Variants in ADGB observed in about 807,000 individuals in gnomAD.
ADGB encodes androglobin.
In ADGB, 172 loss-of-function variants were observed where a neutral mutation model predicts 210.5. The ratio of observed to expected loss-of-function variants is 0.82; its 90% CI spans 0.72 to 0.93. ADGB has a LOEUF of 0.93. ADGB is among the 40% of genes least tolerant of loss of function. The probability of loss-of-function intolerance (pLI) is 0.00; values close to 1 mark genes in which losing one functional copy is unlikely to be tolerated. For missense variants in ADGB, 2,025 were observed against 1,964.8 expected (o/e 1.03, Z -0.58); for synonymous variants, 658 against 662.7 (o/e 0.99, Z 0.11).
At chr6:146,674,784 G>A (rs533375637) in intron 8 of ADGB, among the ~76,000 whole-genome samples, 2 of 152,226 alleles carry the variant, frequency 1.3e-5, no homozygotes, top group South Asian at 2.1e-4. Context: ...AAATGACAGA[G>A]GAGCAATCCT....
At chr6:146,787,410 C>G (rs1161458431) in intron 32 of ADGB, among the ~76,000 whole-genome samples, 1 of 152,072 alleles carries the variant, frequency 6.6e-6, no homozygotes, top group Non-Finnish European at 1.5e-5. Flanking sequence ...ATATGTACCC[C>G]GTATGTCTCA....
intron 7 of ADGB, among the ~76,000 whole-genome samples, chr6:146,669,524 C>T (rs1344885223): frequency 6.6e-6 from 1 of 152,094 alleles, no homozygotes; most frequent in Non-Finnish European, 1.5e-5. Context: ...CCTCTCCTGC[C>T]TCATTTACTT....
At chr6:146,641,544 T>C (rs150841701) in intron 2 of ADGB, among the ~76,000 whole-genome samples, 21 of 151,434 alleles carry the variant, frequency 1.4e-4, no homozygotes, top group Non-Finnish European at 1.6e-4. Flanking sequence ...ATGGTACTGA[T>C]ATGAAAACAG....
At chr6:146,761,306 T>C (rs1172925989) in intron 27 of ADGB, among the ~76,000 whole-genome samples, 1 of 151,990 alleles carries the variant, frequency 6.6e-6, no homozygotes, top group African/African-American at 2.4e-5. Flanking sequence ...TTTATTCCCA[T>C]GTAGATATAC....
chr6:146,737,037 GA>G (rs1438887123), intron 23 of ADGB, among the ~76,000 whole-genome samples: 1 of 150,202 alleles, frequency 6.7e-6, no homozygotes, highest in Non-Finnish European at 1.5e-5. Context: ...GAAAAAAACA[GA>G]AAAAAATTAC....
In ADGB at chr6:146,752,452, T is replaced by C; in HGVS notation, c.3366-78T>C. ...GACAGCAGATTTGGGCAGGGACATA[T>C]ATCCAAACTATCTCACTTACTGACT... is the stretch of plus-strand genomic sequence containing the variant. On this transcript the variant is annotated intron_variant, in intron 26 of 35. Transcript: ENST00000397944. The C allele has an allele frequency of 3.0e-6, 4 of 1,314,478 alleles. No individual in the cohort carries two copies. In the South Asian group the frequency reaches 6.3e-5, roughly 21 times the overall value. The allele number at this position is 1,314,478 out of a possible 1,614,324, so 81.4% of individuals were successfully genotyped here.
chr6:146,632,194 T>G lies in ADGB; in HGVS notation c.75-3181T>G, dbSNP rs562766374. ...CAACAAGGTTTCAGCAGGGCTGCCT[T>G]CCTTTCTGTAGGCTCTAGGAGAAAA... On this transcript the variant is annotated intron_variant, in intron 1 of 35. Transcript: ENST00000397944. Among the ~76,000 whole-genome samples the G allele has an allele frequency of 5.9e-5, 9 of 152,276 alleles. No homozygotes were observed. In the South Asian group the frequency reaches 1.9e-3, roughly 32 times the overall value.
intron 35 of ADGB, among the ~76,000 whole-genome samples, chr6:146,813,737 A>C (rs1361515593): frequency 6.6e-6 from 1 of 152,206 alleles, no homozygotes; most frequent in East Asian, 1.9e-4. Flanking sequence ...TACAAAACAA[A>C]AGGGAATTTC....
rs577708790 is a variant in ADGB, at chr6:146,797,255, T to C, written c.4538-3928T>C. Among the ~76,000 whole-genome samples, 12 of 152,256 alleles carry C rather than the reference T, an allele frequency of 7.9e-5. No individual in the cohort carries two copies. The South Asian group carries it at 2.3e-3, about 29-fold the overall frequency. On this transcript the variant is annotated intron_variant, in intron 33 of 35. Transcript: ENST00000397944. ...GACTTTTATACTGCTGGTAGGAATGTAAACTAGTACAACCACCATGGAAAA... is the reference window on the plus strand; with the variant it reads ...GACTTTTATACTGCTGGTAGGAATGCAAACTAGTACAACCACCATGGAAAA...
rs1370176412 is a variant in ADGB, at chr6:146,685,741, T to G, written c.1224T>G (p.Ser408=). 3.4e-5 allele frequency: 51 copies of G among 1,517,762 alleles called. No homozygotes were observed. Among genetic ancestry groups the G allele is most frequent in the Non-Finnish European group, 4.4e-5 (50 of 1,133,240 alleles). 94.0% of individuals were successfully genotyped at this position (1,517,762 alleles called of 1,614,324 possible). ...TGTATGTTTGTTTTACAGGTTCTTC[T>G]GCAATACAGACCTCTCATATGGTCG... ...YSVQSLSDCS[S]AIQTSHMVVY... is the part of the protein sequence containing the mutation. Residue 408 remains serine (S), a synonymous_variant, in exon 10 of 36, where the codon TCT becomes TCG. Coordinates refer to ENST00000397944, the MANE Select transcript of ADGB (RefSeq NM_024694.4).
chr6:146,729,882 G>A (rs1251856313), intron 20 of ADGB, among the ~76,000 whole-genome samples: 1 of 152,038 alleles, frequency 6.6e-6, no homozygotes, highest in Non-Finnish European at 1.5e-5. Context: ...TCTGCAGTTC[G>A]TTTGTAATGC....
chr6:146,606,902 A>C (rs1780637068), intron 1 of ADGB, among the ~76,000 whole-genome samples: 1 of 152,106 alleles, frequency 6.6e-6, no homozygotes, highest in African/African-American at 2.4e-5. Context: ...TCCGTTCCAT[A>C]TGAATTTTAT....
intron 31 of ADGB, among the ~76,000 whole-genome samples, chr6:146,785,239 T>A (rs575881172): frequency 6.6e-6 from 1 of 152,268 alleles, no homozygotes; most frequent in African/African-American, 2.4e-5. Flanking sequence ...AGAGAGTCTC[T>A]GACCTATTTC....
chr6:146,716,407 A>C (rs972088130), intron 14 of ADGB, among the ~76,000 whole-genome samples: 13 of 130,434 alleles, frequency 1.0e-4, no homozygotes. Context: ...CTGGCTAACA[A>C]GGTGAAACCC....
chr6:146,747,017 G>A (rs1777249832), intron 26 of ADGB, among the ~76,000 whole-genome samples: 1 of 152,076 alleles, frequency 6.6e-6, no homozygotes, highest in Non-Finnish European at 1.5e-5. Context: ...CTCTGGTCAT[G>A]TTCCTATAGT....
intron 1 of ADGB, among the ~76,000 whole-genome samples, chr6:146,616,270 T>G (rs893353953): frequency 0.011 from 202 of 18,768 alleles, 1 homozygote; most frequent in Non-Finnish European, 0.012. Flanking sequence ...TTATTTGGGT[T>G]TTTTTTTTTT....
At chr6:146,655,031 T>C (rs1348830489) in intron 4 of ADGB, among the ~76,000 whole-genome samples, 3 of 152,166 alleles carry the variant, frequency 2.0e-5, no homozygotes, top group Non-Finnish European at 2.9e-5. Context: ...ATTTTTAGAT[T>C]CCACATATAT....
At chr6:146,735,972 A>G (rs1777073208) in intron 22 of ADGB, among the ~76,000 whole-genome samples, 1 of 152,208 alleles carries the variant, frequency 6.6e-6, no homozygotes, top group Non-Finnish European at 1.5e-5. Context: ...GGTAAATACT[A>G]TGAAGAAATT....
At chr6:146,807,356 G>A (rs368261381) in intron 35 of ADGB, 3 of 1,533,040 alleles carry the variant, frequency 2.0e-6, no homozygotes, top group East Asian at 4.9e-5. Context: ...GGGAACGTAA[G>A]CCTTTACCAG....
Sources: gnomAD v4.1 joint callset for allele counts (sites outside exome capture counted in the v4.1 genomes callset) on GRCh38, gnomAD v4.1.1 for gene constraint, MANE v1.5 for transcripts, NCBI Gene and HGNC (gene_info 2026-07-23, HGNC 2026-07-21) for gene names.